The following SBF2 variants were observed in gnomAD, a reference collection of about 807,000 sequenced individuals.
SBF2 encodes the protein SET binding factor 2.
In SBF2, 112 loss-of-function variants were observed where a neutral mutation model predicts 225.2. The observed-to-expected ratio is 0.50, with a 90% CI of 0.43 to 0.58. The LOEUF is 0.58. SBF2 is among the 20% of genes least tolerant of loss of function. The pLI, the probability that SBF2 is intolerant of heterozygous loss-of-function variation, is 0.00. For synonymous variants in SBF2, 763 were observed against 773.3 expected, an observed-to-expected ratio of 0.99 and a Z score of 0.22; for missense variants, 1,996 against 2,206.2, an observed-to-expected ratio of 0.90 and a Z score of 1.91.
At chr11:9,833,459 C>T (rs1360965850) in intron 26 of SBF2, among the ~76,000 whole-genome samples, 16 of 134,572 alleles carry the variant, frequency 1.2e-4, no homozygotes, top group Admixed American at 1.0e-3. Flanking sequence ...CTCGCTCTGT[C>T]GCCCAGGCTG....
rs764814296 is a variant in SBF2 at position 9,852,708 on chromosome 11, G to A, written c.2578C>T (p.Arg860Ter). The A allele has an allele frequency of 5.0e-6, 8 of 1,613,268 alleles. No individual in the cohort carries two copies. The highest frequency in any genetic ancestry group is 1.7e-5 in the Admixed American group (1 of 60,000). Reference sequence around the variant, plus strand: ...ATAGGCGGAAGTCTTCTGCTTTCTCGATGTACTGCTTCTAGGGTCTCAATG... The same window carrying A: ...ATAGGCGGAAGTCTTCTGCTTTCTCAATGTACTGCTTCTAGGGTCTCAATG... ...MHIETLEAVH[R>*]ESRRLPPIQK... The change falls in exon 21 of 40, where the codon CGA becomes TGA. Residue 860 changes from arginine to a stop codon, truncating the protein, a stop_gained. Transcript: ENST00000256190. LOFTEE classifies it high-confidence loss of function.
intron 2 of SBF2, among the ~76,000 whole-genome samples, chr11:10,096,731 G>A (rs11042625): frequency 0.47 from 72,062 of 151,862 alleles, 17,445 homozygotes; most frequent in Admixed American, 0.57. Context: ...GTACATTTGT[G>A]ACAATAATAA....
At chr11:10,265,141 C>T (rs893862405) in intron 1 of SBF2, among the ~76,000 whole-genome samples, 3 of 152,110 alleles carry the variant, frequency 2.0e-5, no homozygotes, top group Non-Finnish European at 4.4e-5. Context: ...GTTCTAGATC[C>T]TTGAGGAATT....
Position 10,085,018 on chromosome 11 carries a change from C to A in SBF2, c.142-42037G>T, listed in dbSNP as rs573921459. On this transcript the variant is annotated intron_variant, in intron 2 of 39. Transcript: ENST00000256190. ...GTTGGGTGATGGATACCCTAAAAGCCCTGACATGACTTCATAATCTATGTA... is the reference window on the plus strand; with the variant it reads ...GTTGGGTGATGGATACCCTAAAAGCACTGACATGACTTCATAATCTATGTA... Among the ~76,000 whole-genome samples the A allele has an allele frequency of 1.1e-4, 17 of 152,198 alleles. No homozygotes were observed. The South Asian group carries it at 3.5e-3, about 32-fold the overall frequency.
chr11:10,095,659 A>T (rs1010782829), intron 2 of SBF2, among the ~76,000 whole-genome samples: 5 of 152,188 alleles, frequency 3.3e-5, no homozygotes, highest in African/African-American at 4.8e-5. Context: ...TCCATTTTTT[A>T]AAAAGGTTTA....
rs529580282 is a variant in SBF2, at chr11:9,934,793, A to G, written c.1860+27164T>C. ...AAAACTCTCGATAAACAAGGTATTGACGGAACGTACCTCAAAATAATAAGA... is the reference window on the plus strand; with the variant it reads ...AAAACTCTCGATAAACAAGGTATTGGCGGAACGTACCTCAAAATAATAAGA... On this transcript the variant is annotated intron_variant, in intron 16 of 39. Coordinates refer to ENST00000256190, the MANE Select transcript of SBF2 (RefSeq NM_030962.4). 2.6e-5 allele frequency among the ~76,000 whole-genome samples: 4 copies of G among 152,336 alleles called. No individual in the cohort carries two copies. The East Asian group carries it at 7.7e-4, about 29-fold the overall frequency.
intron 6 of SBF2, among the ~76,000 whole-genome samples, chr11:10,004,066 G>C (rs569632473): frequency 6.6e-6 from 1 of 152,076 alleles, no homozygotes; most frequent in East Asian, 1.9e-4. Flanking sequence ...TGATACATCA[G>C]AATTTTTAGT....
chr11:9,884,567 C>T (rs935558013), intron 17 of SBF2, among the ~76,000 whole-genome samples: 1 of 152,126 alleles, frequency 6.6e-6, no homozygotes, highest in South Asian at 2.1e-4. Context: ...GTTTTGGTGG[C>T]GTACTTTCTC....
At chr11:9,802,439 A>T (rs1055349319) in intron 32 of SBF2, among the ~76,000 whole-genome samples, 5 of 152,212 alleles carry the variant, frequency 3.3e-5, no homozygotes, top group African/African-American at 1.2e-4. Context: ...TTGTAACTTT[A>T]TTAGTACTAA....
Position 9,787,673 on chromosome 11 carries a change from C to A in SBF2, c.4998G>T (p.Arg1666Ser), listed in dbSNP as rs780895916. ...GTTCTTCTTTAAGGTCCACGGTTAC[C>A]CTTTCCCACAGCTGCTGCCACTTCT... is the stretch of plus-strand genomic sequence containing the variant. Reference protein sequence around the residue: ...APEKWQQLWERVTVDLKEEPR... With the variant: ...APEKWQQLWESVTVDLKEEPR... Residue 1666 changes from arginine (R) to serine (S), a missense_variant, in exon 36 of 40, where the codon AGG (arginine) becomes AGT (serine). Transcript: ENST00000256190. 1.6e-5 allele frequency: 26 copies of A among 1,614,044 alleles called. No homozygotes were observed. In the South Asian group the frequency reaches 2.9e-4, roughly 18 times the overall value.
intron 13 of SBF2, among the ~76,000 whole-genome samples, chr11:9,976,072 C>CTTTTTTTTTTTTTTTT (rs773334975): frequency 7.8e-6 from 1 of 128,262 alleles, no homozygotes; most frequent in Admixed American, 7.8e-5. Flanking sequence ...TCTTCTTCTT[C>CTTTTTTTTTTTTTTTT]TTTTTTTTTT....
At chr11:9,812,113 T>C (rs937688868) in intron 30 of SBF2, among the ~76,000 whole-genome samples, 4 of 152,034 alleles carry the variant, frequency 2.6e-5, no homozygotes. Flanking sequence ...ATCTAAAATC[T>C]AGAGACCTGG....
intron 2 of SBF2, among the ~76,000 whole-genome samples, chr11:10,092,657 C>T (rs767146197): frequency 1.3e-5 from 2 of 152,056 alleles, no homozygotes; most frequent in Non-Finnish European, 2.9e-5. Context: ...GTACAGAAGC[C>T]GTAATTTCTA....
At chr11:9,912,462 G>A (rs1306534102) in intron 16 of SBF2, among the ~76,000 whole-genome samples, 1 of 151,622 alleles carries the variant, frequency 6.6e-6, no homozygotes, top group East Asian at 1.9e-4. Flanking sequence ...GCAGGTGCCT[G>A]TAGTCTCAGC....
intron 39 of SBF2, 63 bp downstream of exon 39, chr11:9,781,444 T>C (rs1490114475): frequency 6.8e-6 from 11 of 1,608,302 alleles, no homozygotes; most frequent in Non-Finnish European, 8.5e-6. Context: ...GCTCCATCAT[T>C]CTTGGAGACA....
chr11:9,846,712 T>A (rs1180865852), intron 23 of SBF2, among the ~76,000 whole-genome samples: 1 of 152,210 alleles, frequency 6.6e-6, no homozygotes, highest in African/African-American at 2.4e-5. Flanking sequence ...CGTACTTGTC[T>A]AAGTTTCTAA....
At position 9,845,701 on chromosome 11, in the gene SBF2, C is replaced by T; in HGVS notation, c.2974G>A (p.Val992Ile). ...VAFDEEVSPE[V>I]VEIFKKQLMK... The stretch of plus-strand genomic sequence containing the variant: ...AGCTGTTTCTTAAAGATCTCTACTA[C>T]TTCTGGACTGACTTCTTCATCAAAT... The change falls in exon 24 of 40, where the codon GTA (valine) becomes ATA (isoleucine). Residue 992 changes from valine to isoleucine, a missense_variant. Transcript: ENST00000256190. 6.2e-7 allele frequency: 1 copy of T among 1,613,910 alleles called. No homozygotes were observed. Among genetic ancestry groups the T allele is most frequent in the South Asian group, 1.1e-5 (1 of 91,076 alleles).
chr11:9,849,566 T>G (rs7108907), intron 22 of SBF2, among the ~76,000 whole-genome samples: 1 of 152,176 alleles, frequency 6.6e-6, no homozygotes, highest in East Asian at 1.9e-4. Context: ...TGGAGTTAAT[T>G]GGAATGGAAT....
chr11:10,035,538 A>T (rs1949402428), intron 3 of SBF2, among the ~76,000 whole-genome samples: 1 of 152,220 alleles, frequency 6.6e-6, no homozygotes, highest in South Asian at 2.1e-4. Context: ...TAATATCCAG[A>T]ATCTACAAAG....
Sources: allele counts gnomAD v4.1 joint callset (sites outside exome capture counted in the v4.1 genomes callset), GRCh38; gene constraint gnomAD v4.1.1; transcripts MANE v1.5; gene names NCBI Gene and HGNC (gene_info 2026-07-23, HGNC 2026-07-21).